Variants in MAEA observed in about 807,000 individuals in gnomAD.
MAEA encodes the protein macrophage erythroblast attacher, E3 ubiquitin ligase.
Under a neutral mutation model 46.2 loss-of-function variants are expected in MAEA, and 22 were observed. That is an observed-to-expected ratio of 0.48 (90% CI 0.34 to 0.68). MAEA has a LOEUF of 0.68. Among genes scored for constraint, MAEA ranks in the 30% least tolerant of loss-of-function variants. MAEA has a pLI of 0.01. For synonymous variants in MAEA, 246 were observed against 222.6 expected, an observed-to-expected ratio of 1.11 and a Z score of -0.94; for missense variants, 393 against 558.1, an observed-to-expected ratio of 0.70 and a Z score of 2.98.
intron 6 of MAEA, among the ~76,000 whole-genome samples, chr4:1,333,422 G>A (rs985607581): frequency 7.9e-5 from 12 of 151,972 alleles, no homozygotes; most frequent in Non-Finnish European, 1.6e-4. Flanking sequence ...TTCCTTGCCT[G>A]TCCCCCTGGT....
intron 4 of MAEA, 125 bp from the exon 5 acceptor site, chr4:1,327,502 G>T (rs1037855028): frequency 1.6e-5 from 12 of 752,094 alleles, no homozygotes; most frequent in Non-Finnish European, 2.6e-5. Flanking sequence ...CCTTCCCCGT[G>T]CCTGTGAGAG....
chr4:1,322,828 G>C (rs976959234), intron 4 of MAEA, among the ~76,000 whole-genome samples: 1 of 152,086 alleles, frequency 6.6e-6, no homozygotes, highest in African/African-American at 2.4e-5. Context: ...GCTCCATGGG[G>C]GTACTCCATG....
At chr4:1,329,035 C>T (rs1739201766) in intron 5 of MAEA, 4 of 985,710 alleles carry the variant, frequency 4.1e-6, no homozygotes, top group East Asian at 1.1e-4. Context: ...GGCCTCTGTC[C>T]GGCGGCAGTC....
intron 6 of MAEA, among the ~76,000 whole-genome samples, chr4:1,336,126 C>T (rs1202663737): frequency 1.3e-5 from 2 of 152,140 alleles, no homozygotes; most frequent in African/African-American, 2.4e-5. Flanking sequence ...GCACTCATCC[C>T]GCAGCATGTT....
At chr4:1,319,577 G>C (rs960482408) in intron 3 of MAEA, among the ~76,000 whole-genome samples, 9 of 99,096 alleles carry the variant, frequency 9.1e-5, no homozygotes, top group Non-Finnish European at 1.7e-4. Context: ...GCAGGATATA[G>C]ACCAGGAGCC....
chr4:1,328,294 C>T (rs188215017), intron 5 of MAEA, among the ~76,000 whole-genome samples: 4 of 152,324 alleles, frequency 2.6e-5, no homozygotes, highest in Non-Finnish European at 4.4e-5. Flanking sequence ...TTGGGGTGCA[C>T]GGCGTCTGCA....
chr4:1,339,258 G>T lies in MAEA; in HGVS notation c.*89G>T. Reference sequence around the variant, plus strand: ...CTCCTGTCCCACGCTCCAGCCTGCCGCGGCGTTTCTGTTTCTTGCGACCAA... The same window carrying T: ...CTCCTGTCCCACGCTCCAGCCTGCCTCGGCGTTTCTGTTTCTTGCGACCAA... On this transcript the variant is annotated 3_prime_UTR_variant, in exon 9 of 9. Transcript: ENST00000303400. The T allele has an allele frequency of 2.1e-6, 2 of 931,358 alleles. No homozygotes were observed. The allele number at this position is 931,358 out of a possible 1,614,324, so 57.7% of individuals were successfully genotyped here. A position where few individuals can be genotyped will look rare whatever the true frequency, so the allele number is the denominator to read the frequency against.
At chr4:1,309,844 C>G in intron 1 of MAEA, 1 of 1,331,296 alleles carries the variant, frequency 7.5e-7, no homozygotes, top group South Asian at 2.0e-5. Flanking sequence ...GAGCTCTGCC[C>G]TGTGCCTGAG....
At chr4:1,337,368 ACT>A (rs1266609218) in intron 7 of MAEA, 12 of 271,124 alleles carry the variant, frequency 4.4e-5, no homozygotes, top group South Asian at 6.7e-5. Context: ...CCTGTGACTG[ACT>A]CTGTCCCACC....
chr4:1,302,018 T>A (rs1260563864), intron 1 of MAEA, among the ~76,000 whole-genome samples: 1 of 152,244 alleles, frequency 6.6e-6, no homozygotes, highest in African/African-American at 2.4e-5. Flanking sequence ...AACTTTGATA[T>A]AACCTTGAAC....
chr4:1,303,232 CAAAAAAAAA>C (rs71168823), intron 1 of MAEA, among the ~76,000 whole-genome samples: 5 of 65,678 alleles, frequency 7.6e-5, no homozygotes, highest in African/African-American at 3.0e-4. Flanking sequence ...ACTAAAAATA[CAAAAAAAAA>C]AAAAAAAAAA....
intron 3 of MAEA, among the ~76,000 whole-genome samples, chr4:1,320,522 G>A (rs1473900994): frequency 1.3e-5 from 2 of 150,868 alleles, no homozygotes; most frequent in Non-Finnish European, 2.9e-5. Context: ...ACGCTATGAA[G>A]GGGCTTCAGA....
At chr4:1,301,608 AG>A (rs1735327060) in intron 1 of MAEA, among the ~76,000 whole-genome samples, 1 of 152,244 alleles carries the variant, frequency 6.6e-6, no homozygotes, top group African/African-American at 2.4e-5. Flanking sequence ...AGGCTGAGGC[AG>A]GAGTATCACT....
At chr4:1,318,809 A>G (rs1577192516) in intron 3 of MAEA, among the ~76,000 whole-genome samples, 2 of 152,238 alleles carry the variant, frequency 1.3e-5, no homozygotes, top group South Asian at 4.1e-4. Context: ...TGTGCACCAA[A>G]ATTCCTGTGC....
Position 1,334,613 on chromosome 4 carries a change from C to T in MAEA, c.765+1748C>T, listed in dbSNP as rs116628686. ...GGTGGAGCATGCACCTCTCACCGGA[C>T]GCAGCCCTGCAGTGTGGTAAAGAGG... On this transcript the variant is annotated intron_variant, in intron 6 of 8. Transcript: ENST00000303400. 3.1e-3 allele frequency among the ~76,000 whole-genome samples: 479 copies of T among 152,332 alleles called. 1 individual carries two copies. The highest frequency in any genetic ancestry group is 9.9e-3 in the African/African-American group (411 of 41,564).
At chr4:1,297,030 CG>C (rs1340223691) in intron 1 of MAEA, among the ~76,000 whole-genome samples, 3 of 152,192 alleles carry the variant, frequency 2.0e-5, no homozygotes, top group African/African-American at 7.2e-5. Context: ...GAGGCCATCC[CG>C]TGTAGTCACC....
At chr4:1,321,095 G>A (rs538664804) in intron 3 of MAEA, among the ~76,000 whole-genome samples, 178 of 151,842 alleles carry the variant, frequency 1.2e-3, no homozygotes, top group African/African-American at 3.8e-3. Flanking sequence ...GCGAGACTCC[G>A]TCTCAAAAAA....
chr4:1,332,603 G>C (rs1711985445), intron 5 of MAEA, 154 bp from the exon 6 acceptor site: 1 of 581,338 alleles, frequency 1.7e-6, no homozygotes, highest in East Asian at 3.1e-5. Context: ...TGCGGTCTCA[G>C]CTTCTCGGGA....
rs376252086 is a variant in MAEA at position 1,319,295 on chromosome 4, G to C, written c.457-3086G>C. On this transcript the variant is annotated intron_variant, in intron 3 of 8. Transcript: ENST00000303400. ...TTGAGCCCAGGAGGTGGAGGCTGCAGTGAGCCAAGATTGCACCACTGCACT... is the reference window on the plus strand; with the variant it reads ...TTGAGCCCAGGAGGTGGAGGCTGCACTGAGCCAAGATTGCACCACTGCACT... Among the ~76,000 whole-genome samples the C allele has an allele frequency of 2.0e-5, 3 of 151,954 alleles. No individual in the cohort carries two copies. In the East Asian group the frequency reaches 5.8e-4, roughly 29 times the overall value.
Sources: gnomAD v4.1 joint callset for allele counts (sites outside exome capture counted in the v4.1 genomes callset) on GRCh38, gnomAD v4.1.1 for gene constraint, MANE v1.5 for transcripts, NCBI Gene and HGNC (gene_info 2026-07-23, HGNC 2026-07-21) for gene names.